Variants in SEC23A observed in about 807,000 individuals in gnomAD.
SEC23A encodes the protein SEC23 homolog A, COPII component.
SEC23A carries 56 observed loss-of-function variants against 103.7 expected under a neutral mutation model. The observed-to-expected ratio is 0.54, with a 90% CI of 0.44 to 0.67. The LOEUF (loss-of-function observed/expected upper bound fraction) is 0.67, where lower values mean the gene tolerates loss of function less well. Among genes scored for constraint, SEC23A ranks in the 30% least tolerant of loss-of-function variants. The pLI is 0.00. For missense variants in SEC23A, 784 were observed against 936.4 expected (o/e 0.84, Z 2.12); for synonymous variants, 281 against 293.0 (o/e 0.96, Z 0.42).
intron 19 of SEC23A, 127 bp from the exon 20 acceptor site, chr14:39,033,455 T>A: frequency 4.1e-6 from 1 of 244,572 alleles, no homozygotes; most frequent in Non-Finnish European, 7.2e-6. Flanking sequence ...AAAAAGAATC[T>A]AACTGGCCTC....
intron 14 of SEC23A, among the ~76,000 whole-genome samples, chr14:39,049,349 G>A (rs62001132): frequency 0.038 from 5,821 of 151,888 alleles, 162 homozygotes; most frequent in Middle Eastern, 0.14. Flanking sequence ...GGTGGTGCGC[G>A]CCTGTAATCC....
At chr14:39,035,160 T>C (rs372565519) in intron 19 of SEC23A, among the ~76,000 whole-genome samples, 1 of 152,190 alleles carries the variant, frequency 6.6e-6, no homozygotes, top group African/African-American at 2.4e-5. Context: ...TCATGAAATA[T>C]AGGATTACTA....
At chr14:39,067,922 G>A (rs1303135498) in intron 9 of SEC23A, among the ~76,000 whole-genome samples, 2 of 151,718 alleles carry the variant, frequency 1.3e-5, no homozygotes, top group Non-Finnish European at 2.9e-5. Flanking sequence ...TGCTCACCTC[G>A]GGCTGCCAAG....
chr14:39,061,827 A>G lies in SEC23A; in HGVS notation c.1443T>C (p.Phe481=). Residue 481 remains phenylalanine (F), a synonymous_variant, in exon 13 of 20, where the codon TTT becomes TTC. Transcript: ENST00000307712. ...IPQGGRGAIQ[F]VTQYQHSSGQ... Reference sequence around the variant, plus strand: ...CACTTGAATGCTGATACTGAGTCACAAACTGGATTGCACCACGCCCTCCTT... The same window carrying G: ...CACTTGAATGCTGATACTGAGTCACGAACTGGATTGCACCACGCCCTCCTT... 6.2e-7 allele frequency: 1 copy of G among 1,614,064 alleles called. No individual in the cohort carries two copies. The highest frequency in any genetic ancestry group is 8.5e-7 in the Non-Finnish European group (1 of 1,179,930).
intron 13 of SEC23A, among the ~76,000 whole-genome samples, chr14:39,058,505 C>T (rs1239816661): frequency 6.6e-6 from 1 of 152,078 alleles, no homozygotes; most frequent in Non-Finnish European, 1.5e-5. Flanking sequence ...GACGGGGTTT[C>T]ACCTTGTTAG....
chr14:39,074,393 CTG>C lies in SEC23A; in HGVS notation c.1103+20_1103+21del. 1 of 1,442,858 alleles carries C rather than the reference CTG, an allele frequency of 6.9e-7. No individual in the cohort carries two copies. The highest frequency in any genetic ancestry group is 9.8e-7 in the Non-Finnish European group (1 of 1,024,856). 89.4% of individuals were successfully genotyped at this position (1,442,858 alleles called of 1,614,324 possible). A position where few individuals can be genotyped will look rare whatever the true frequency, so the allele number is the denominator to read the frequency against. On this transcript the variant is annotated intron_variant, in intron 9 of 19. Coordinates refer to ENST00000307712, the MANE Select transcript of SEC23A (RefSeq NM_006364.4). ...CATCATTTGCTTATAATTACAAAAA[CTG>C]TAAAAATTTAAATACATACCCAGTA...
chr14:39,086,404 C>T (rs1393122587), intron 6 of SEC23A, among the ~76,000 whole-genome samples: 3 of 151,892 alleles, frequency 2.0e-5, no homozygotes, highest in Non-Finnish European at 4.4e-5. Context: ...TTTGGGAGGC[C>T]GAGGAGGGAG....
intron 7 of SEC23A, among the ~76,000 whole-genome samples, chr14:39,083,205 G>A (rs1222779008): frequency 6.6e-6 from 1 of 152,172 alleles, no homozygotes; most frequent in Non-Finnish European, 1.5e-5. Flanking sequence ...AAAGGGATAA[G>A]TCAAGCTGGA....
At chr14:39,085,933 C>T (rs1381374555) in intron 6 of SEC23A, 27 bp from the exon 7 acceptor site, 1 of 1,600,882 alleles carries the variant, frequency 6.2e-7, no homozygotes, top group African/African-American at 1.3e-5. Flanking sequence ...AATAAAAAGC[C>T]ATTTGTAAAT....
At chr14:39,098,349 A>ATTT (rs1887964331) in intron 1 of SEC23A, among the ~76,000 whole-genome samples, 1 of 152,198 alleles carries the variant, frequency 6.6e-6, no homozygotes, top group Non-Finnish European at 1.5e-5. Context: ...TATAAATTCT[A>ATTT]AGACTATGCA....
intron 1 of SEC23A, among the ~76,000 whole-genome samples, chr14:39,099,533 G>C (rs1483419784): frequency 6.6e-6 from 1 of 152,112 alleles, no homozygotes; most frequent in African/African-American, 2.4e-5. Context: ...TTTCTGATGA[G>C]ATCAGTGTTG....
intron 19 of SEC23A, 146 bp from the exon 20 acceptor site, chr14:39,033,474 G>C: frequency 1.4e-5 from 2 of 140,144 alleles, no homozygotes; most frequent in Non-Finnish European, 2.8e-5. Context: ...TCCGTCCCTG[G>C]TTGCTGGGAG....
chr14:39,071,171 AG>A (rs1416271497), intron 9 of SEC23A, among the ~76,000 whole-genome samples: 2 of 152,262 alleles, frequency 1.3e-5, no homozygotes, highest in African/African-American at 4.8e-5. Flanking sequence ...GCAGGTGGGA[AG>A]GAAGAAGTAA....
At position 39,091,466 on chromosome 14, in the gene SEC23A, T is replaced by C; in HGVS notation, c.603+11A>G. ...TTCAGATAGGTAAAAACTACCATTCTTGTTGTTTACCTGCAGTTGTTTGGC... is the reference window on the plus strand; with the variant it reads ...TTCAGATAGGTAAAAACTACCATTCCTGTTGTTTACCTGCAGTTGTTTGGC... On this transcript the variant is annotated intron_variant, in intron 5 of 19. Transcript: ENST00000307712. 1 of 1,595,716 alleles carries C rather than the reference T, an allele frequency of 6.3e-7. No homozygotes were observed. The highest frequency in any genetic ancestry group is 2.2e-5 in the East Asian group (1 of 44,740).
chr14:39,064,673 GA>G, intron 11 of SEC23A: 1 of 503,806 alleles, frequency 2.0e-6, no homozygotes, highest in Non-Finnish European at 3.6e-6. Context: ...ATTTTGAAAG[GA>G]ATGCTATAGG....
At chr14:39,099,154 G>GT (rs35763261) in intron 1 of SEC23A, among the ~76,000 whole-genome samples, 1,638 of 83,576 alleles carry the variant, frequency 0.02, 33 homozygotes, top group African/African-American at 0.048. Flanking sequence ...TTGTTTTTGG[G>GT]TTTTTTTTTT....
intron 2 of SEC23A, chr14:39,094,768 AG>A: frequency 2.2e-6 from 1 of 463,802 alleles, no homozygotes; most frequent in Non-Finnish European, 3.8e-6. Context: ...TCAAGGTAGG[AG>A]TAAGTTTGGT....
intron 9 of SEC23A, among the ~76,000 whole-genome samples, chr14:39,073,782 G>C (rs1174738880): frequency 6.8e-6 from 1 of 147,316 alleles, no homozygotes; most frequent in Non-Finnish European, 1.5e-5. Context: ...CCTAATTTTT[G>C]TATTTTTAGT....
intron 7 of SEC23A, among the ~76,000 whole-genome samples, chr14:39,081,144 G>C (rs1887212189): frequency 6.6e-6 from 1 of 151,736 alleles, no homozygotes; most frequent in African/African-American, 2.4e-5. Context: ...GTTTGAGGTT[G>C]CAGTGCTGCA....
Sources: gnomAD v4.1 joint callset for allele counts (sites outside exome capture counted in the v4.1 genomes callset) on GRCh38, gnomAD v4.1.1 for gene constraint, MANE v1.5 for transcripts, NCBI Gene and HGNC (gene_info 2026-07-23, HGNC 2026-07-21) for gene names.